MYOM1: variants seen among roughly 807,000 people sequenced by gnomAD.
MYOM1 encodes the protein myomesin-1.
Under a neutral mutation model 205.3 loss-of-function variants are expected in MYOM1, and 164 were observed. The observed-to-expected ratio is 0.80, with a 90% CI of 0.70 to 0.91. The LOEUF (loss-of-function observed/expected upper bound fraction) is 0.91. Among genes scored for constraint, MYOM1 ranks in the 40% least tolerant of loss-of-function variants. MYOM1 has a pLI of 0.00. For synonymous variants in MYOM1, 772 were observed against 789.4 expected, an observed-to-expected ratio of 0.98 and a Z score of 0.37; for missense variants, 2,011 against 2,127.3, an observed-to-expected ratio of 0.95 and a Z score of 1.08.
At chr18:3,111,767 C>T (rs2079530690) in intron 22 of MYOM1, among the ~76,000 whole-genome samples, 1 of 152,168 alleles carries the variant, frequency 6.6e-6, no homozygotes, top group Non-Finnish European at 1.5e-5. Flanking sequence ...TCTTTTGTGT[C>T]ATGGCAGAGT....
At chr18:3,101,524 T>A (rs1257378404) in intron 23 of MYOM1, among the ~76,000 whole-genome samples, 1 of 152,184 alleles carries the variant, frequency 6.6e-6, no homozygotes, top group Non-Finnish European at 1.5e-5. Context: ...CAGCTCCTGG[T>A]AGAGATGGGC....
chr18:3,136,241 T>A (rs572398653), intron 14 of MYOM1, among the ~76,000 whole-genome samples: 1 of 152,042 alleles, frequency 6.6e-6, no homozygotes, highest in Non-Finnish European at 1.5e-5. Context: ...AATTACCCAG[T>A]CTCTGGTATG....
chr18:3,169,130 T>A, intron 8 of MYOM1, 149 bp from the exon 9 acceptor site: 1 of 692,646 alleles, frequency 1.4e-6, no homozygotes, highest in Non-Finnish European at 2.4e-6. Context: ...AAACCGTACA[T>A]AAGAAGTATT....
chr18:3,095,741 G>GC (rs34512482), intron 25 of MYOM1, among the ~76,000 whole-genome samples: 10,826 of 152,164 alleles, frequency 0.071, 395 homozygotes, highest in South Asian at 0.083. Context: ...GGGTGGTGGA[G>GC]CTGAGAGCAG....
At chr18:3,130,992 G>T (rs2079867460) in intron 17 of MYOM1, among the ~76,000 whole-genome samples, 2 of 152,224 alleles carry the variant, frequency 1.3e-5, no homozygotes, top group Non-Finnish European at 2.9e-5. Context: ...GCCAGGCTCT[G>T]GCATAGACCA....
chr18:3,107,654 A>G (rs1227282966), intron 22 of MYOM1, among the ~76,000 whole-genome samples: 1 of 152,226 alleles, frequency 6.6e-6, no homozygotes, highest in East Asian at 1.9e-4. Context: ...TGTTAAAGCT[A>G]AAGTATAACA....
At chr18:3,187,143 T>G (rs11874933) in intron 5 of MYOM1, among the ~76,000 whole-genome samples, 3,430 of 152,274 alleles carry the variant, frequency 0.023, 138 homozygotes, top group African/African-American at 0.078. Flanking sequence ...TGGAAGCTGA[T>G]TTTTACCTAA....
chr18:3,212,682 AAC>A (rs1481986583), intron 2 of MYOM1, among the ~76,000 whole-genome samples: 3 of 152,186 alleles, frequency 2.0e-5, no homozygotes, highest in African/African-American at 7.2e-5. Flanking sequence ...ACCTAGCACA[AAC>A]AGTCCAGGAA....
intron 36 of MYOM1, 65 bp from the exon 37 acceptor site, chr18:3,071,954 C>T (rs929903251): frequency 4.3e-6 from 6 of 1,395,244 alleles, no homozygotes; most frequent in Middle Eastern, 1.8e-4. Context: ...ACTCACAAAA[C>T]CACCCAGGAA....
Position 3,179,548 on chromosome 18 carries a change from T to A in MYOM1, c.930-3414A>T, listed in dbSNP as rs1306423151. Reference sequence around the variant, plus strand: ...GGAGAGGGTGGGACTGGCTTAAGAATCGCAGCTGTGTGGCAGGTGCAGCAA... The same window carrying A: ...GGAGAGGGTGGGACTGGCTTAAGAAACGCAGCTGTGTGGCAGGTGCAGCAA... On this transcript the variant is annotated intron_variant, in intron 5 of 37. Transcript: ENST00000356443. The surrounding 1 kb of genome is among the most constrained non-coding windows in gnomAD (Gnocchi z 4.4). Among the ~76,000 whole-genome samples, 5 of 152,130 alleles carry A rather than the reference T, an allele frequency of 3.3e-5. No individual in the cohort carries two copies. The highest frequency in any genetic ancestry group is 5.9e-5 in the Non-Finnish European group (4 of 68,016).
At chr18:3,151,599 A>T in intron 12 of MYOM1, 95 bp downstream of exon 12, 2 of 1,065,024 alleles carry the variant, frequency 1.9e-6, no homozygotes, top group Non-Finnish European at 2.7e-6. Context: ...GTCTCCCTCT[A>T]GTGGAAGGGA....
the MYOM1 span, among the ~76,000 whole-genome samples, chr18:3,232,497 C>A: frequency 8.6e-5 from 13 of 152,014 alleles, no homozygotes; most frequent in Non-Finnish European, 1.9e-4. Flanking sequence ...CAGTGGAGCC[C>A]GAGAGCACTC....
rs2079940789 is a variant in MYOM1 at position 3,135,356 on chromosome 18, C to T, written c.2209+191G>A. ...ACACATTATCAATATTGTTGAAACTCCCAAAGAAGTTTACTTTTCATAAAC... is the reference window on the plus strand; with the variant it reads ...ACACATTATCAATATTGTTGAAACTTCCAAAGAAGTTTACTTTTCATAAAC... On this transcript the variant is annotated intron_variant, in intron 15 of 37. Transcript: ENST00000356443. The surrounding 1 kb of genome is among the most constrained non-coding windows in gnomAD (Gnocchi z 4.1). The T allele has an allele frequency of 3.9e-6, 2 of 516,770 alleles. No individual in the cohort carries two copies. Among genetic ancestry groups the T allele is most frequent in the South Asian group, 3.5e-5 (1 of 28,446 alleles). The allele number at this position is 516,770 out of a possible 1,614,324, so 32.0% of individuals were successfully genotyped here.
rs368269009 is a variant in MYOM1, at chr18:3,134,296, G to T, written c.2384+354C>A. Among the ~76,000 whole-genome samples the T allele has an allele frequency of 1.4e-4, 21 of 152,224 alleles. 1 individual carries two copies. In the South Asian group the frequency reaches 4.4e-3, roughly 32 times the overall value. ...ACAACTTCAAACTCAAGCTGTAGTTGAACTCAAGTTGAACTCAAGCTCAAG... is the reference window on the plus strand; with the variant it reads ...ACAACTTCAAACTCAAGCTGTAGTTTAACTCAAGTTGAACTCAAGCTCAAG... On this transcript the variant is annotated intron_variant, in intron 16 of 37. Transcript: ENST00000356443.
intron 5 of MYOM1, among the ~76,000 whole-genome samples, chr18:3,182,439 T>C (rs1323675622): frequency 1.3e-5 from 2 of 152,178 alleles, no homozygotes; most frequent in African/African-American, 2.4e-5. Context: ...ATTATAATAA[T>C]AATAAAAAGT....
chr18:3,168,671 C>T, intron 9 of MYOM1, 146 bp downstream of exon 9: 1 of 685,656 alleles, frequency 1.5e-6, no homozygotes, highest in Non-Finnish European at 2.4e-6. Context: ...AGTGTTGCTA[C>T]TTTGCTACAC....
At chr18:3,207,289 A>G (rs1215616292) in intron 2 of MYOM1, among the ~76,000 whole-genome samples, 1 of 152,212 alleles carries the variant, frequency 6.6e-6, no homozygotes, top group Non-Finnish European at 1.5e-5. Context: ...TGACTATTCC[A>G]TAAGTGAATT....
intron 19 of MYOM1, among the ~76,000 whole-genome samples, chr18:3,120,446 G>T (rs2079672162): frequency 6.6e-6 from 1 of 152,128 alleles, no homozygotes; most frequent in African/African-American, 2.4e-5. Flanking sequence ...TTGGAGAAAG[G>T]CAACATCTAG....
intron 10 of MYOM1, among the ~76,000 whole-genome samples, chr18:3,164,077 G>A (rs926158639): frequency 2.0e-5 from 3 of 151,884 alleles, no homozygotes; most frequent in Non-Finnish European, 4.4e-5. Context: ...GGCTGGTCTT[G>A]AATCCCTGGG....
Sources: allele counts gnomAD v4.1 joint callset (sites outside exome capture counted in the v4.1 genomes callset), GRCh38; gene constraint gnomAD v4.1.1; non-coding constraint Gnocchi (gnomAD v3.1); transcripts MANE v1.5; gene names NCBI Gene and HGNC (gene_info 2026-07-23, HGNC 2026-07-21).